The following SAXO1 variants were observed in gnomAD, a reference collection of about 807,000 sequenced individuals.
SAXO1 encodes stabilizer of axonemal microtubules 1.
Under a neutral mutation model 17.5 loss-of-function variants are expected in SAXO1, and 21 were observed. That is an observed-to-expected ratio of 1.20 (90% CI 0.85 to 1.72). SAXO1 has a LOEUF of 1.72. SAXO1 is among the 40% of genes most tolerant of loss of function. The pLI is 0.00. For missense variants in SAXO1, 843 were observed against 596.0 expected (o/e 1.41, Z -4.32); for synonymous variants, 274 against 216.5 (o/e 1.27, Z -2.33).
intron 1 of SAXO1, among the ~76,000 whole-genome samples, chr9:18,970,441 C>A (rs1472854227): frequency 1.3e-5 from 2 of 152,132 alleles, no homozygotes; most frequent in Non-Finnish European, 2.9e-5. Context: ...CCTTTGAGGT[C>A]AGATTAACCC....
chr9:19,023,604 A>T (rs1835341354), intron 1 of SAXO1, among the ~76,000 whole-genome samples: 2 of 152,200 alleles, frequency 1.3e-5, no homozygotes, highest in Admixed American at 6.5e-5. Context: ...CACTTCTCGT[A>T]GTCAATCATC....
intron 1 of SAXO1, among the ~76,000 whole-genome samples, chr9:19,044,689 C>T (rs1022412504): frequency 4.0e-5 from 6 of 151,774 alleles, no homozygotes; most frequent in Admixed American, 1.3e-4. Flanking sequence ...GGTGAAACCC[C>T]GTCTCTACTA....
At chr9:18,964,696 C>G (rs913636022) in intron 1 of SAXO1, among the ~76,000 whole-genome samples, 57 of 152,084 alleles carry the variant, frequency 3.7e-4, no homozygotes, top group Admixed American at 3.1e-3. Context: ...TTAATCTTTT[C>G]TAAAAACTAG....
Position 18,979,644 on chromosome 9 carries a change from G to A in SAXO1, c.39-28707C>T, listed in dbSNP as rs1459166047. 3.3e-5 allele frequency among the ~76,000 whole-genome samples: 5 copies of A among 152,342 alleles called. No homozygotes were observed. The East Asian group carries it at 9.7e-4, about 29-fold the overall frequency. On this transcript the variant is annotated intron_variant, in intron 1 of 3. Coordinates refer to ENST00000380534, the MANE Select transcript of SAXO1 (RefSeq NM_153707.4). ...TCTCATCAGCTCTATTTTCCAAGGA[G>A]ATTATTCCAGCAAGAGTGTATGGGC...
At chr9:18,990,648 G>A (rs2131840945) in intron 1 of SAXO1, among the ~76,000 whole-genome samples, 1 of 152,292 alleles carries the variant, frequency 6.6e-6, no homozygotes, top group Admixed American at 6.5e-5. Context: ...ACAGCAGAAG[G>A]TGAGTGGCAG....
intron 3 of SAXO1, among the ~76,000 whole-genome samples, chr9:18,935,330 G>A (rs556485000): frequency 2.0e-5 from 3 of 152,206 alleles, no homozygotes; most frequent in Admixed American, 6.5e-5. Context: ...GCTGTGTGTG[G>A]GTTAGGAAAA....
In SAXO1 at chr9:18,941,726, G is replaced by A. The variant is rs1430399596; in HGVS notation, c.332C>T (p.Pro111Leu). The A allele has an allele frequency of 4.3e-6, 7 of 1,613,714 alleles. No individual in the cohort carries two copies. Among genetic ancestry groups the A allele is most frequent in the African/African-American group, 1.3e-5 (1 of 74,900 alleles). ...GGGGTCCACTCGACAGACAGGGTAG[G>A]GATTGTAATCTTTCTTATACGTCGT... ...LLTTYKKDYNPYPVCRVDPIK... is the reference protein window; with the variant it reads ...LLTTYKKDYNLYPVCRVDPIK... Residue 111 changes from proline (P) to leucine (L), a missense_variant, in exon 3 of 4, where the codon CCC (proline) becomes CTC (leucine). Transcript: ENST00000380534.
chr9:19,025,212 A>G (rs1257967111), intron 1 of SAXO1, among the ~76,000 whole-genome samples: 1 of 152,148 alleles, frequency 6.6e-6, no homozygotes, highest in Admixed American at 6.5e-5. Flanking sequence ...TGGCATCTCT[A>G]TCTGGATTCT....
At chr9:18,967,789 G>A (rs936879856) in intron 1 of SAXO1, among the ~76,000 whole-genome samples, 1 of 140,750 alleles carries the variant, frequency 7.1e-6, no homozygotes, top group African/African-American at 3.2e-5. Context: ...CACCATTGGG[G>A]TATGAAAAAA....
chr9:18,938,558 C>A (rs572432574), intron 3 of SAXO1, among the ~76,000 whole-genome samples: 2 of 152,108 alleles, frequency 1.3e-5, no homozygotes, highest in South Asian at 4.2e-4. Flanking sequence ...CATCAAAAAC[C>A]GCCCCCATTA....
At chr9:18,978,763 G>A (rs1381895103) in intron 1 of SAXO1, among the ~76,000 whole-genome samples, 1 of 152,200 alleles carries the variant, frequency 6.6e-6, no homozygotes, top group Admixed American at 6.5e-5. Context: ...ACAGTTTGCA[G>A]ATGGAGAACC....
chr9:19,044,586 G>A (rs1321336579), intron 1 of SAXO1, among the ~76,000 whole-genome samples: 4 of 152,144 alleles, frequency 2.6e-5, no homozygotes, highest in Non-Finnish European at 4.4e-5. Flanking sequence ...TGAATCCGGC[G>A]GGCGCGGTAG....
intron 1 of SAXO1, among the ~76,000 whole-genome samples, chr9:18,956,573 GA>G (rs1321444256): frequency 6.6e-6 from 1 of 152,148 alleles, no homozygotes; most frequent in Non-Finnish European, 1.5e-5. Flanking sequence ...TCAGAGGCAG[GA>G]AGATCTGGTT....
rs2131835774 is a variant in SAXO1 at position 18,988,439 on chromosome 9, G to A, written c.39-37502C>T. Reference sequence around the variant, plus strand: ...TCCAAATCCTAAGGTGAGCAAAAGTGTTCCCAATTAGACATTTAGGAATGT... The same window carrying A: ...TCCAAATCCTAAGGTGAGCAAAAGTATTCCCAATTAGACATTTAGGAATGT... On this transcript the variant is annotated intron_variant, in intron 1 of 3. Coordinates refer to ENST00000380534, the MANE Select transcript of SAXO1 (RefSeq NM_153707.4). Among the ~76,000 whole-genome samples the A allele has an allele frequency of 2.6e-5, 4 of 152,264 alleles. No homozygotes were observed. In the South Asian group the frequency reaches 8.3e-4, roughly 32 times the overall value.
chr9:19,030,483 G>C (rs1835711877), intron 1 of SAXO1, among the ~76,000 whole-genome samples: 1 of 152,120 alleles, frequency 6.6e-6, no homozygotes. Flanking sequence ...AAGGTAGGTG[G>C]ATCATTTGAG....
intron 1 of SAXO1, among the ~76,000 whole-genome samples, chr9:19,039,204 G>A (rs547273252): frequency 6.6e-6 from 1 of 152,134 alleles, no homozygotes; most frequent in Non-Finnish European, 1.5e-5. Flanking sequence ...TAAACACCAT[G>A]ACCAAGAGGG....
chr9:19,004,052 C>T (rs1204878377), intron 1 of SAXO1, among the ~76,000 whole-genome samples: 1 of 152,092 alleles, frequency 6.6e-6, no homozygotes, highest in Non-Finnish European at 1.5e-5. Context: ...AAAAAAACAA[C>T]CCCATCAAAA....
At chr9:18,956,356 T>C (rs1588437004) in intron 1 of SAXO1, among the ~76,000 whole-genome samples, 1 of 152,166 alleles carries the variant, frequency 6.6e-6, no homozygotes, top group Admixed American at 6.5e-5. Flanking sequence ...TAGTAGCTGG[T>C]ATAACGTGAC....
intron 1 of SAXO1, among the ~76,000 whole-genome samples, chr9:18,984,987 T>G (rs1833537022): frequency 6.6e-6 from 1 of 152,158 alleles, no homozygotes; most frequent in African/African-American, 2.4e-5. Context: ...ACTAAGTGCT[T>G]TAATTGCCCT....
Sources: allele counts gnomAD v4.1 joint callset (sites outside exome capture counted in the v4.1 genomes callset), GRCh38; gene constraint gnomAD v4.1.1; transcripts MANE v1.5; gene names NCBI Gene and HGNC (gene_info 2026-07-23, HGNC 2026-07-21).